The following RBFOX1 variants were observed in gnomAD, a reference collection of about 807,000 sequenced individuals.
The protein encoded by RBFOX1 is RNA binding fox-1 homolog 1, also known as RNA binding protein fox-1 homolog 1.
In RBFOX1, 8 loss-of-function variants were observed where a neutral mutation model predicts 57.7. The observed-to-expected ratio is 0.14, with a 90% CI of 0.08 to 0.25. The LOEUF (loss-of-function observed/expected upper bound fraction) is 0.25, where lower values mean the gene tolerates loss of function less well. RBFOX1 is among the 10% of genes least tolerant of loss of function. RBFOX1 has a pLI of 1.00. For synonymous variants in RBFOX1, 326 were observed against 222.4 expected (o/e 1.47, Z -4.15); for missense variants, 611 against 548.5 (o/e 1.11, Z -1.14).
chr16:7,042,499 A>G (rs1225669640), intron 3 of RBFOX1, among the ~76,000 whole-genome samples: 1 of 152,232 alleles, frequency 6.6e-6, no homozygotes, highest in Non-Finnish European at 1.5e-5. Context: ...AGCTAATGAA[A>G]TCAATTGTCA....
At chr16:5,658,787 T>C (rs982970126) in intron 3 of RBFOX1, among the ~76,000 whole-genome samples, 2 of 136,590 alleles carry the variant, frequency 1.5e-5, no homozygotes, top group African/African-American at 3.4e-5. Context: ...TATATGTATA[T>C]ATATAATATA....
intron 2 of RBFOX1, among the ~76,000 whole-genome samples, chr16:5,471,568 C>A (rs1168314940): frequency 6.6e-6 from 1 of 152,140 alleles, no homozygotes; most frequent in African/African-American, 2.4e-5. Context: ...TGTAGGTGCC[C>A]ACCCCCGGAG....
intron 2 of RBFOX1, among the ~76,000 whole-genome samples, chr16:5,598,750 C>G (rs1045759033): frequency 6.6e-6 from 1 of 152,084 alleles, no homozygotes; most frequent in Non-Finnish European, 1.5e-5. Context: ...AGGTCTTGAC[C>G]CCTGCAGGGG....
intron 3 of RBFOX1, among the ~76,000 whole-genome samples, chr16:6,906,813 C>G (rs1488469928): frequency 6.6e-6 from 1 of 151,538 alleles, no homozygotes; most frequent in South Asian, 2.1e-4. Flanking sequence ...ACCTCTACCT[C>G]CTGGGTTCAA....
chr16:5,323,969 C>T (rs987587259), intron 1 of RBFOX1, among the ~76,000 whole-genome samples: 3 of 152,242 alleles, frequency 2.0e-5, no homozygotes, highest in Non-Finnish European at 4.4e-5. Flanking sequence ...TGTCATATTA[C>T]ACGTGTATAG....
rs192466074 is a variant in RBFOX1 at position 7,489,595 on chromosome 16, A to G, written c.28-28552A>G. ...CGGTGGTACCATCATAGCTCACTGC[A>G]GCCTCGAACTCCCGGACTCAAGAAA... On this transcript the variant is annotated intron_variant, in intron 4 of 15. Transcript: ENST00000550418. 8.3e-4 allele frequency among the ~76,000 whole-genome samples: 126 copies of G among 152,178 alleles called. 1 individual carries two copies. The highest frequency in any genetic ancestry group is 2.6e-3 in the African/African-American group (109 of 41,506).
chr16:6,957,809 C>G lies in RBFOX1; in HGVS notation c.-15-94248C>G, dbSNP rs546512241. ...ATACCTTAGGGAAAGCCAGGCATCT[C>G]TCTTTTCACACAGCCTCTTTGTGTA... On this transcript the variant is annotated intron_variant, in intron 3 of 15. Transcript: ENST00000550418. Among the ~76,000 whole-genome samples the G allele has an allele frequency of 3.3e-5, 5 of 152,272 alleles. No individual in the cohort carries two copies. In the South Asian group the frequency reaches 6.2e-4, roughly 19 times the overall value.
intron 3 of RBFOX1, among the ~76,000 whole-genome samples, chr16:6,769,301 G>A: frequency 6.6e-6 from 1 of 152,182 alleles, no homozygotes; most frequent in East Asian, 1.9e-4. Context: ...CCATGACTGT[G>A]TGGCCTCCAT....
chr16:5,524,974 C>G (rs542178506), intron 2 of RBFOX1, among the ~76,000 whole-genome samples: 1 of 152,330 alleles, frequency 6.6e-6, no homozygotes, highest in South Asian at 2.1e-4. Flanking sequence ...AGCACCTTAT[C>G]TACTTTGTCC....
At chr16:6,943,524 T>A (rs1314386994) in intron 3 of RBFOX1, among the ~76,000 whole-genome samples, 1 of 151,958 alleles carries the variant, frequency 6.6e-6, no homozygotes, top group African/African-American at 2.4e-5. Context: ...CTGACTAACA[T>A]GGTGAAACCC....
intron 2 of RBFOX1, among the ~76,000 whole-genome samples, chr16:5,569,762 C>G (rs1480779659): frequency 2.6e-5 from 4 of 151,990 alleles, no homozygotes; most frequent in Non-Finnish European, 5.9e-5. Context: ...TCCATCTGAT[C>G]TTTCTGATGG....
At chr16:6,079,228 C>A (rs112509728) in intron 1 of RBFOX1, among the ~76,000 whole-genome samples, 4,223 of 152,290 alleles carry the variant, frequency 0.028, 101 homozygotes, top group African/African-American at 0.063. Flanking sequence ...ATTGCTTGAA[C>A]TGGGGAGGTG....
intron 11 of RBFOX1, among the ~76,000 whole-genome samples, chr16:7,642,117 G>A (rs1416984012): frequency 6.6e-6 from 1 of 152,112 alleles, no homozygotes; most frequent in Non-Finnish European, 1.5e-5. Context: ...AAAAAATAAA[G>A]TTCACCAAAG....
At chr16:6,642,353 C>G (rs1453584055) in intron 2 of RBFOX1, among the ~76,000 whole-genome samples, 2 of 152,154 alleles carry the variant, frequency 1.3e-5, no homozygotes, top group Non-Finnish European at 2.9e-5. Context: ...TAAAAGCGCT[C>G]TCATTAAACT....
At position 5,462,981 on chromosome 16, in the gene RBFOX1, C is replaced by T. The variant is rs1267538340; in HGVS notation, c.220-4235C>T. On this transcript the variant is annotated intron_variant, in intron 1 of 2. Coordinates refer to the RBFOX1 transcript ENST00000585867. ...GAAAGGTGTTCATACTAAATTGATACATTTATAAAAAGAAAGTGAGCAGAT... is the reference window on the plus strand; with the variant it reads ...GAAAGGTGTTCATACTAAATTGATATATTTATAAAAAGAAAGTGAGCAGAT... Among the ~76,000 whole-genome samples the T allele has an allele frequency of 2.5e-4, 38 of 152,154 alleles. 1 individual carries two copies. The highest frequency in any genetic ancestry group is 2.4e-3 in the Admixed American group (37 of 15,274).
At chr16:5,381,398 C>G (rs2066127192) in intron 1 of RBFOX1, among the ~76,000 whole-genome samples, 1 of 152,168 alleles carries the variant, frequency 6.6e-6, no homozygotes, top group African/African-American at 2.4e-5. Flanking sequence ...TGTCTAAAAC[C>G]CTAACAGGCA....
chr16:7,015,342 C>T (rs1166330120), intron 3 of RBFOX1, among the ~76,000 whole-genome samples: 2 of 152,108 alleles, frequency 1.3e-5, no homozygotes, highest in Admixed American at 1.3e-4. Flanking sequence ...TGGAGCTTGG[C>T]TTCTTAGCCT....
rs2059396640 is a variant in RBFOX1 at position 5,946,187 on chromosome 16, C to T, written c.351+78852C>T. ...ATGTGATGGAAAGTGCACAGACGGC[C>T]CGAGGTGGGGGCCAGGCTCTGCCAC... is the stretch of plus-strand genomic sequence containing the variant. On this transcript the variant is annotated intron_variant, in intron 4 of 19. Coordinates refer to the RBFOX1 transcript ENST00000641259. This position sits in a 1 kb window ranked among gnomAD's most constrained non-coding sequence, Gnocchi z 4.6. Among the ~76,000 whole-genome samples, 2 of 152,134 alleles carry T rather than the reference C, an allele frequency of 1.3e-5. No homozygotes were observed. The highest frequency in any genetic ancestry group is 2.9e-5 in the Non-Finnish European group (2 of 68,048).
chr16:6,861,683 A>G (rs1382585095), intron 3 of RBFOX1, among the ~76,000 whole-genome samples: 2 of 152,218 alleles, frequency 1.3e-5, no homozygotes, highest in African/African-American at 2.4e-5. Context: ...TTCACTGTGT[A>G]TAATGAGGTC....
Sources: gnomAD v4.1 joint callset for allele counts (sites outside exome capture counted in the v4.1 genomes callset) on GRCh38, gnomAD v4.1.1 for gene constraint, Gnocchi (gnomAD v3.1) non-coding constraint, MANE v1.5 for transcripts, NCBI Gene and HGNC (gene_info 2026-07-23, HGNC 2026-07-21) for gene names.